ITPR2: variants seen among roughly 807,000 people sequenced by gnomAD.
The protein encoded by ITPR2 is inositol 1,4,5-trisphosphate-gated calcium channel ITPR2.
Under a neutral mutation model 317.1 loss-of-function variants are expected in ITPR2, and 207 were observed. The ratio of observed to expected loss-of-function variants is 0.65; its 90% CI spans 0.58 to 0.73. The LOEUF is 0.73. Among genes scored for constraint, ITPR2 ranks in the 30% least tolerant of loss-of-function variants. The pLI is 0.00. For synonymous variants in ITPR2, 1,156 were observed against 1,149.1 expected (o/e 1.01, Z -0.12); for missense variants, 2,613 against 3,284.0 (o/e 0.80, Z 4.99).
At chr12:26,344,760 G>A (rs1295819778) in intron 55 of ITPR2, among the ~76,000 whole-genome samples, 1 of 152,160 alleles carries the variant, frequency 6.6e-6, no homozygotes, top group Non-Finnish European at 1.5e-5. Context: ...GCAAAATCCA[G>A]CACAATTCTC....
At chr12:26,651,609 C>G (rs1286374766) in intron 21 of ITPR2, among the ~76,000 whole-genome samples, 8 of 152,194 alleles carry the variant, frequency 5.3e-5, no homozygotes, top group Non-Finnish European at 8.8e-5. Context: ...TTCTGCTTCA[C>G]AGTTACTCTT....
chr12:26,775,943 T>TATATATATATATATATACATAC (rs1949956893), intron 2 of ITPR2, among the ~76,000 whole-genome samples: 1 of 145,890 alleles, frequency 6.9e-6, no homozygotes, highest in Admixed American at 7.0e-5. Context: ...CATATATATA[T>TATATATATATATATATACATAC]ATATGTATAT....
At chr12:26,735,755 G>A (rs968540819) in intron 2 of ITPR2, among the ~76,000 whole-genome samples, 39 of 152,220 alleles carry the variant, frequency 2.6e-4, no homozygotes, top group Non-Finnish European at 4.7e-4. Context: ...ATATCCTGTG[G>A]TCAAGAGGAA....
intron 49 of ITPR2, among the ~76,000 whole-genome samples, chr12:26,420,587 A>G (rs1048654824): frequency 3.3e-5 from 5 of 152,128 alleles, no homozygotes; most frequent in African/African-American, 1.2e-4. Flanking sequence ...AACCTTTCCT[A>G]AATTTCTCCC....
At chr12:26,575,608 C>T (rs1591919271) in intron 34 of ITPR2, among the ~76,000 whole-genome samples, 1 of 152,160 alleles carries the variant, frequency 6.6e-6, no homozygotes, top group African/African-American at 2.4e-5. Flanking sequence ...ATTTTTTAGA[C>T]TTATCACACA....
At chr12:26,358,871 CA>C in intron 55 of ITPR2, among the ~76,000 whole-genome samples, 1 of 152,238 alleles carries the variant, frequency 6.6e-6, no homozygotes, top group East Asian at 1.9e-4. Context: ...CTGTTCCCAC[CA>C]GGGGTTGGCT....
chr12:26,481,576 C>A (rs530117551), intron 42 of ITPR2, among the ~76,000 whole-genome samples: 176 of 152,320 alleles, frequency 1.2e-3, no homozygotes, highest in Non-Finnish European at 2.2e-3. Flanking sequence ...CAGAGGAGAT[C>A]TTTAAGGTCA....
intron 32 of ITPR2, among the ~76,000 whole-genome samples, chr12:26,580,404 T>A (rs1311807671): frequency 6.6e-6 from 1 of 152,192 alleles, no homozygotes; most frequent in Admixed American, 6.6e-5. Flanking sequence ...CCCCAGCCTC[T>A]TCTTTTTAAT....
At chr12:26,531,957 A>AAG (rs1943956936) in intron 37 of ITPR2, among the ~76,000 whole-genome samples, 1 of 152,238 alleles carries the variant, frequency 6.6e-6, no homozygotes, top group African/African-American at 2.4e-5. Context: ...CTTTACACAC[A>AAG]AGAAAATACG....
At chr12:26,384,533 G>A (rs1196442160) in intron 55 of ITPR2, among the ~76,000 whole-genome samples, 2 of 152,198 alleles carry the variant, frequency 1.3e-5, no homozygotes, top group African/African-American at 4.8e-5. Context: ...TCTGACAGAA[G>A]AGGCTGGGGA....
At chr12:26,370,866 G>C (rs911765137) in intron 55 of ITPR2, among the ~76,000 whole-genome samples, 4 of 152,264 alleles carry the variant, frequency 2.6e-5, no homozygotes, top group African/African-American at 9.6e-5. Flanking sequence ...GTAGAGACAG[G>C]GTTTCACCAT....
intron 13 of ITPR2, among the ~76,000 whole-genome samples, chr12:26,673,510 A>C (rs1366846957): frequency 2.6e-5 from 4 of 151,062 alleles, no homozygotes. Flanking sequence ...CATGCTAAAA[A>C]CTCTCAATAA....
rs1325211051 is a variant in ITPR2 at position 26,751,022 on chromosome 12, A to G, written c.164-25257T>C. 2.0e-5 allele frequency among the ~76,000 whole-genome samples: 3 copies of G among 152,184 alleles called. No individual in the cohort carries two copies. The East Asian group carries it at 5.8e-4, about 29-fold the overall frequency. ...AAACGGCTGAGTCACCACACTGGCAAAAGACCAGGGCAGGGGGTTCAAAAA... is the reference window on the plus strand; with the variant it reads ...AAACGGCTGAGTCACCACACTGGCAGAAGACCAGGGCAGGGGGTTCAAAAA... On this transcript the variant is annotated intron_variant, in intron 2 of 56. Transcript: ENST00000381340.
chr12:26,600,193 C>G, intron 28 of ITPR2, 84 bp from the exon 29 acceptor site: 2 of 1,180,886 alleles, frequency 1.7e-6, no homozygotes, highest in Admixed American at 2.0e-5. Context: ...CACCCACATA[C>G]CATTTTTCTC....
chr12:26,481,357 G>T, intron 42 of ITPR2, 116 bp from the exon 43 acceptor site: 3 of 612,040 alleles, frequency 4.9e-6, no homozygotes, highest in Middle Eastern at 3.6e-4. Context: ...AAATAGGTAA[G>T]ATTTACCTTT....
chr12:26,558,477 T>C (rs769901357), intron 35 of ITPR2, among the ~76,000 whole-genome samples: 2 of 152,362 alleles, frequency 1.3e-5, no homozygotes, highest in African/African-American at 2.4e-5. Flanking sequence ...ATCTTTATTA[T>C]TGAGCACCAG....
At chr12:26,728,216 T>A (rs1948965996) in intron 2 of ITPR2, among the ~76,000 whole-genome samples, 1 of 152,052 alleles carries the variant, frequency 6.6e-6, no homozygotes, top group Non-Finnish European at 1.5e-5. Flanking sequence ...ACAGTAGGGA[T>A]GGAACTGGGG....
chr12:26,735,523 A>C (rs1312894850), intron 2 of ITPR2, among the ~76,000 whole-genome samples: 2 of 152,176 alleles, frequency 1.3e-5, no homozygotes, highest in Admixed American at 1.3e-4. Flanking sequence ...AGAGGAGGGA[A>C]GAAGAGGACA....
intron 2 of ITPR2, among the ~76,000 whole-genome samples, chr12:26,776,868 T>A (rs988171509): frequency 6.6e-6 from 1 of 152,182 alleles, no homozygotes; most frequent in Non-Finnish European, 1.5e-5. Context: ...ATAACTAGAC[T>A]AAAGTCCTAG....
Sources: gnomAD v4.1 joint callset for allele counts (sites outside exome capture counted in the v4.1 genomes callset) on GRCh38, gnomAD v4.1.1 for gene constraint, MANE v1.5 for transcripts, NCBI Gene and HGNC (gene_info 2026-07-23, HGNC 2026-07-21) for gene names.